Variants in TM9SF3 observed in about 807,000 individuals in gnomAD.
TM9SF3 encodes the protein transmembrane 9 superfamily member 3, also known as SM-11044-binding protein.
Under a neutral mutation model 78.6 loss-of-function variants are expected in TM9SF3, and 14 were observed. The observed-to-expected ratio is 0.18, with a 90% CI of 0.12 to 0.28. The LOEUF (loss-of-function observed/expected upper bound fraction) is 0.28. TM9SF3 is among the 10% of genes least tolerant of loss of function. The pLI, the probability that TM9SF3 is intolerant of heterozygous loss-of-function variation, is 1.00. For missense variants in TM9SF3, 496 were observed against 721.9 expected, an observed-to-expected ratio of 0.69 and a Z score of 3.59; for synonymous variants, 231 against 241.7, an observed-to-expected ratio of 0.96 and a Z score of 0.41.
intron 2 of TM9SF3, among the ~76,000 whole-genome samples, chr10:96,568,624 C>A (rs934278962): frequency 1.3e-5 from 2 of 152,202 alleles, no homozygotes; most frequent in Middle Eastern, 3.4e-3. Flanking sequence ...ACACAGTATG[C>A]CATACTTTGT....
rs1847744010 is a variant in TM9SF3, at chr10:96,519,919, A to T, written c.*2344T>A. Reference sequence around the variant, plus strand: ...TAATGTATTTGGAAATCAGAAAATTATTTTTCACCACAGATTCCAAAGAAC... The same window carrying T: ...TAATGTATTTGGAAATCAGAAAATTTTTTTTCACCACAGATTCCAAAGAAC... On this transcript the variant is annotated 3_prime_UTR_variant, in exon 15 of 15. Transcript: ENST00000371142. 6.6e-6 allele frequency: 1 copy of T among 151,922 alleles called. No homozygotes were observed. The allele number at this position is 151,922 out of a possible 1,614,324, so 9.4% of individuals were successfully genotyped here. A position where few individuals can be genotyped will look rare whatever the true frequency, so the allele number is the denominator to read the frequency against.
Position 96,518,141 on chromosome 10 carries a change from C to T in TM9SF3, c.*4122G>A, listed in dbSNP as rs375113720. The T allele has an allele frequency of 4.6e-5, 7 of 152,108 alleles. No homozygotes were observed. Among genetic ancestry groups the T allele is most frequent in the African/African-American group, 1.7e-4 (7 of 41,418 alleles). The allele number at this position is 152,108 out of a possible 1,614,324, so 9.4% of individuals were successfully genotyped here. A position where few individuals can be genotyped will look rare whatever the true frequency, so the allele number is the denominator to read the frequency against. ...TAACTTTTTATTACTTTTTAAAAAT[C>T]CAAATTCAGATAAATTAACACACTA... On this transcript the variant is annotated 3_prime_UTR_variant, in exon 15 of 15. Transcript: ENST00000371142.
intron 5 of TM9SF3, among the ~76,000 whole-genome samples, chr10:96,555,218 TTATC>T (rs1166129848): frequency 6.6e-6 from 1 of 152,214 alleles, no homozygotes; most frequent in Non-Finnish European, 1.5e-5. Context: ...CCATCTCACC[TTATC>T]TAGTCAACTT....
intron 5 of TM9SF3, 122 bp from the exon 6 acceptor site, chr10:96,553,181 G>A: frequency 2.8e-6 from 3 of 1,073,056 alleles, no homozygotes; most frequent in Non-Finnish European, 3.7e-6. Context: ...AAATCCTTTA[G>A]ACAAAAATCC....
chr10:96,579,278 G>C (rs1564941491), intron 1 of TM9SF3, among the ~76,000 whole-genome samples: 1 of 152,186 alleles, frequency 6.6e-6, no homozygotes, highest in Non-Finnish European at 1.5e-5. Flanking sequence ...CTATTTAAGA[G>C]CAGAATGTTG....
intron 10 of TM9SF3, among the ~76,000 whole-genome samples, chr10:96,531,707 C>T (rs1307348996): frequency 1.3e-5 from 2 of 151,986 alleles, no homozygotes; most frequent in Non-Finnish European, 2.9e-5. Context: ...ATTATACTCC[C>T]CAAAACAGAG....
intron 9 of TM9SF3, among the ~76,000 whole-genome samples, chr10:96,537,119 C>T (rs1261551843): frequency 6.6e-6 from 1 of 152,110 alleles, no homozygotes; most frequent in East Asian, 1.9e-4. Context: ...TTCAGTTGTA[C>T]GGGCAGGGGG....
chr10:96,556,759 G>A (rs1255529569), intron 5 of TM9SF3, among the ~76,000 whole-genome samples: 1 of 151,690 alleles, frequency 6.6e-6, no homozygotes, highest in African/African-American at 2.4e-5. Flanking sequence ...GTCCATAATT[G>A]CCGTCTCCAA....
intron 2 of TM9SF3, among the ~76,000 whole-genome samples, chr10:96,566,911 A>C (rs543692507): frequency 6.6e-6 from 1 of 152,322 alleles, no homozygotes; most frequent in East Asian, 1.9e-4. Flanking sequence ...TCCAGGCTTA[A>C]GGGACAACAA....
chr10:96,566,778 C>T (rs1482412051), intron 2 of TM9SF3, among the ~76,000 whole-genome samples: 1 of 152,182 alleles, frequency 6.6e-6, no homozygotes, highest in African/African-American at 2.4e-5. Flanking sequence ...AGGGTTTCTA[C>T]AGCAGGAGCT....
rs1476750365 is a variant in TM9SF3 at position 96,565,443 on chromosome 10, T to C, written c.299-17A>G. On this transcript the variant is annotated splice_polypyrimidine_tract_variant and intron_variant, in intron 2 of 14. Transcript: ENST00000371142. ...TCACATCATCTGCACAAAATAAAAA[T>C]TGCAAATTAGCCCACTAGTTTGCAA... The C allele has an allele frequency of 3.3e-6, 5 of 1,531,224 alleles. No homozygotes were observed. The highest frequency in any genetic ancestry group is 1.4e-5 in the African/African-American group (1 of 69,092). The allele number at this position is 1,531,224 out of a possible 1,614,324, so 94.9% of individuals were successfully genotyped here. A position where few individuals can be genotyped will look rare whatever the true frequency, so the allele number is the denominator to read the frequency against.
intron 8 of TM9SF3, among the ~76,000 whole-genome samples, chr10:96,544,587 G>A (rs1848075459): frequency 6.6e-6 from 1 of 152,066 alleles, no homozygotes; most frequent in Admixed American, 6.5e-5. Context: ...GAGTTCTGGA[G>A]CTTCTTGGCA....
chr10:96,534,862 G>A (rs928357100), intron 9 of TM9SF3, among the ~76,000 whole-genome samples: 1 of 152,138 alleles, frequency 6.6e-6, no homozygotes, highest in Non-Finnish European at 1.5e-5. Context: ...GCAAATCTCA[G>A]AATAAAGTTT....
At chr10:96,577,856 T>A (rs1300536077) in intron 1 of TM9SF3, among the ~76,000 whole-genome samples, 1 of 152,160 alleles carries the variant, frequency 6.6e-6, no homozygotes, top group Non-Finnish European at 1.5e-5. Context: ...GGGCACATAA[T>A]AGAAGAAGTG....
At chr10:96,570,967 G>A (rs1262166625) in intron 2 of TM9SF3, among the ~76,000 whole-genome samples, 1 of 152,134 alleles carries the variant, frequency 6.6e-6, no homozygotes, top group African/African-American at 2.4e-5. Flanking sequence ...TCGAACTCCT[G>A]ACCTCAAGTG....
At chr10:96,573,730 T>C (rs1238909038) in intron 2 of TM9SF3, among the ~76,000 whole-genome samples, 9 of 152,120 alleles carry the variant, frequency 5.9e-5, no homozygotes, top group African/African-American at 2.2e-4. Context: ...AACAGATATA[T>C]AGACCAACAG....
chr10:96,551,241 T>G lies in TM9SF3; in HGVS notation c.959+4A>C. 1 of 1,606,812 alleles carries G rather than the reference T, an allele frequency of 6.2e-7. No homozygotes were observed. Among genetic ancestry groups the G allele is most frequent in the Non-Finnish European group, 8.5e-7 (1 of 1,177,220 alleles). On this transcript the variant is annotated splice_donor_region_variant and intron_variant, in intron 7 of 14. Transcript: ENST00000371142. ...ACATAATACAGTTAAGTGTAGGCAC[T>G]TACTCAGTATATAAATCTTCTATCA... is the stretch of plus-strand genomic sequence containing the variant.
chr10:96,538,828 CT>C (rs1339006419), intron 9 of TM9SF3, among the ~76,000 whole-genome samples: 1 of 152,202 alleles, frequency 6.6e-6, no homozygotes, highest in African/African-American at 2.4e-5. Context: ...GCACTATATA[CT>C]CACTAGAATA....
In TM9SF3 at chr10:96,586,942, G is replaced by A. The variant is rs1222054284; in HGVS notation, c.-107C>T. The stretch of plus-strand genomic sequence containing the variant: ...CGGCCGATTCGCATCCACGGGGCGC[G>A]GACAGACGCACGGGGCCCGGCCCAG... On this transcript the variant is annotated 5_prime_UTR_variant, in exon 1 of 15. Coordinates refer to ENST00000371142, the MANE Select transcript of TM9SF3 (RefSeq NM_020123.4). 1.5e-5 allele frequency: 14 copies of A among 924,468 alleles called. No homozygotes were observed. The highest frequency in any genetic ancestry group is 4.4e-4 in the Middle Eastern group (1 of 2,262). 57.3% of individuals were successfully genotyped at this position (924,468 alleles called of 1,614,324 possible).
Sources: allele counts gnomAD v4.1 joint callset (sites outside exome capture counted in the v4.1 genomes callset), GRCh38; gene constraint gnomAD v4.1.1; transcripts MANE v1.5; gene names NCBI Gene and HGNC (gene_info 2026-07-23, HGNC 2026-07-21).